INSL6: variants seen among roughly 807,000 people sequenced by gnomAD.
INSL6 encodes the protein insulin-like peptide INSL6.
A neutral mutation model predicts 9.4 loss-of-function variants in INSL6; 16 were observed. The ratio of observed to expected loss-of-function variants is 1.70; its 90% CI spans 1.15 to 2.59. The LOEUF (loss-of-function observed/expected upper bound fraction) is 2.59. Ranked by LOEUF, INSL6 falls within the 30% of genes most tolerant of loss-of-function variation. The probability of loss-of-function intolerance (pLI) is 0.00; values close to 1 mark genes in which losing one functional copy is unlikely to be tolerated. For synonymous variants in INSL6, 154 were observed against 96.9 expected, an observed-to-expected ratio of 1.59 and a Z score of -3.46; for missense variants, 391 against 257.3, an observed-to-expected ratio of 1.52 and a Z score of -3.56.
chr9:5,091,145 G>T, the INSL6 span: 1 of 330,806 alleles, frequency 3.0e-6, no homozygotes, highest in Non-Finnish European at 5.4e-6. Context: ...GGGATTGTAG[G>T]TTTTTCTTCA....
chr9:5,160,772 G>A (rs777469610), downstream of INSL6, among the ~76,000 whole-genome samples: 8 of 151,924 alleles, frequency 5.3e-5, no homozygotes, highest in East Asian at 1.9e-4. Context: ...CAACTGATAC[G>A]CAGAAATTAA....
chr9:5,114,726 G>A, the INSL6 span: 1 of 376,240 alleles, frequency 2.7e-6, no homozygotes, highest in Admixed American at 3.3e-5. Flanking sequence ...ACAGAAAAAC[G>A]AGTTCATCTG....
the INSL6 span, among the ~76,000 whole-genome samples, chr9:5,011,921 C>G: frequency 6.6e-6 from 1 of 152,160 alleles, no homozygotes; most frequent in Non-Finnish European, 1.5e-5. Flanking sequence ...CAGTGGAAAG[C>G]CTGAGATATT....
the INSL6 span, among the ~76,000 whole-genome samples, chr9:5,107,265 C>T: frequency 6.6e-6 from 1 of 151,894 alleles, no homozygotes; most frequent in Admixed American, 6.6e-5. Flanking sequence ...CCTTACTGGC[C>T]CTACTACTAC....
intron 1 of INSL6, among the ~76,000 whole-genome samples, chr9:5,174,339 T>C (rs1172025556): frequency 1.3e-5 from 2 of 152,202 alleles, no homozygotes; most frequent in Non-Finnish European, 1.5e-5. Context: ...TTAAACCCAC[T>C]CTAATCAGAC....
At chr9:5,082,419 G>A in the INSL6 span, among the ~76,000 whole-genome samples, 1 of 152,364 alleles carries the variant, frequency 6.6e-6, no homozygotes, top group South Asian at 2.1e-4. Context: ...TAATAAAGCA[G>A]CATTGCTGCC....
downstream of INSL6, among the ~76,000 whole-genome samples, chr9:5,122,151 A>G (rs1258998568): frequency 2.6e-5 from 4 of 152,116 alleles, no homozygotes; most frequent in African/African-American, 9.7e-5. Flanking sequence ...GGGATTTTGA[A>G]GGAGAGATTA....
the INSL6 span, chr9:5,110,848 G>C: frequency 4.2e-6 from 2 of 471,530 alleles, no homozygotes; most frequent in East Asian, 1.0e-4. Context: ...AGGTGGGGGG[G>C]ACGCTTCATG....
the INSL6 span, among the ~76,000 whole-genome samples, chr9:5,081,436 TACTC>T: frequency 2.0e-5 from 3 of 152,186 alleles, no homozygotes; most frequent in African/African-American, 7.2e-5. Context: ...ACCCCAGTAC[TACTC>T]ACCTTTCTCA....
At chr9:5,089,634 A>G in the INSL6 span, 3 of 1,099,066 alleles carry the variant, frequency 2.7e-6, no homozygotes, top group Non-Finnish European at 3.6e-6. Context: ...ATTTGCCTTG[A>G]AAACTTGGTA....
At chr9:5,093,301 C>G in the INSL6 span, among the ~76,000 whole-genome samples, 23 of 152,296 alleles carry the variant, frequency 1.5e-4, no homozygotes, top group African/African-American at 5.3e-4. Flanking sequence ...AACATCACCT[C>G]TAGCATTACC....
chr9:5,168,272 C>T (rs919640437), intron 1 of INSL6, among the ~76,000 whole-genome samples: 1 of 152,154 alleles, frequency 6.6e-6, no homozygotes, highest in Non-Finnish European at 1.5e-5. Flanking sequence ...TAATAACAAA[C>T]ATCCCTGAGC....
chr9:5,143,600 A>G (rs1054971333), intron 2 of INSL6, among the ~76,000 whole-genome samples: 9 of 151,054 alleles, frequency 6.0e-5, no homozygotes, highest in Non-Finnish European at 1.3e-4. Context: ...TAGTCTAGCT[A>G]CTGGTCTATC....
intron 1 of INSL6, among the ~76,000 whole-genome samples, chr9:5,175,671 C>G (rs568464127): frequency 1.3e-5 from 2 of 152,274 alleles, no homozygotes; most frequent in South Asian, 2.1e-4. Flanking sequence ...TGAGCTCTAC[C>G]TCCTGTCAGA....
At chr9:5,102,221 G>A in the INSL6 span, among the ~76,000 whole-genome samples, 6 of 152,108 alleles carry the variant, frequency 3.9e-5, no homozygotes, top group Non-Finnish European at 7.4e-5. Context: ...TGAAAACCAT[G>A]GCATGAGAAC....
At chr9:5,081,824 A>G in the INSL6 span, 2 of 1,613,738 alleles carry the variant, frequency 1.2e-6, no homozygotes, top group East Asian at 2.2e-5. Context: ...ACACAGTTTG[A>G]AGAGAGACAT....
the INSL6 span, among the ~76,000 whole-genome samples, chr9:5,030,110 A>C: frequency 1.3e-5 from 2 of 152,200 alleles, no homozygotes; most frequent in Non-Finnish European, 2.9e-5. Flanking sequence ...TACTCTGAGA[A>C]TAAAGCTGTT....
downstream of INSL6, among the ~76,000 whole-genome samples, chr9:5,159,991 A>G (rs1777082398): frequency 6.6e-6 from 1 of 152,158 alleles, no homozygotes; most frequent in Non-Finnish European, 1.5e-5. Flanking sequence ...CCTGGCCAAC[A>G]TGGTGAAACC....
chr9:5,132,080 GA>G (rs1824303567), intron 3 of INSL6: 1 of 152,116 alleles, frequency 6.6e-6, no homozygotes, highest in Non-Finnish European at 1.5e-5. Context: ...TGTTGACAAA[GA>G]AACTTGAAAC....
Sources: allele counts gnomAD v4.1 joint callset (sites outside exome capture counted in the v4.1 genomes callset), GRCh38; gene constraint gnomAD v4.1.1; transcripts MANE v1.5; gene names NCBI Gene and HGNC (gene_info 2026-07-23, HGNC 2026-07-21).